Variants in FRMD4A observed in about 807,000 individuals in gnomAD.
FRMD4A encodes FERM domain-containing protein 4A.
FRMD4A carries 29 observed loss-of-function variants against 129.1 expected under a neutral mutation model. The observed-to-expected ratio is 0.22, with a 90% CI of 0.17 to 0.31. FRMD4A has a LOEUF of 0.31. Ranked by LOEUF, FRMD4A falls within the 10% of genes least tolerant of loss-of-function variation. FRMD4A has a pLI of 1.00. For missense variants in FRMD4A, 1,272 were observed against 1,375.8 expected (o/e 0.92, Z 1.19); for synonymous variants, 634 against 571.6 (o/e 1.11, Z -1.56).
intron 9 of FRMD4A, among the ~76,000 whole-genome samples, chr10:13,746,275 A>G (rs923577756): frequency 7.9e-5 from 12 of 152,132 alleles, no homozygotes; most frequent in Non-Finnish European, 1.5e-4. Context: ...CAGTGGCACA[A>G]TCTTTGTTCC....
intron 15 of FRMD4A, chr10:13,675,653 G>A (rs1422726877): frequency 6.6e-6 from 1 of 152,174 alleles, no homozygotes; most frequent in Non-Finnish European, 1.5e-5. Context: ...TGCCTGCCTT[G>A]GCCTCCCAAA....
At chr10:13,853,949 C>T (rs1020819094) in intron 3 of FRMD4A, among the ~76,000 whole-genome samples, 3 of 151,604 alleles carry the variant, frequency 2.0e-5, no homozygotes, top group African/African-American at 7.3e-5. Flanking sequence ...AGTAGAAGGT[C>T]AGGTCGGTTT....
chr10:13,708,147 G>A (rs925995240), intron 12 of FRMD4A, among the ~76,000 whole-genome samples: 7 of 152,202 alleles, frequency 4.6e-5, no homozygotes, highest in Non-Finnish European at 1.0e-4. Context: ...TCTTTCTGCG[G>A]GGAACAGCTT....
chr10:14,073,024 TA>T (rs201773109), intron 2 of FRMD4A, among the ~76,000 whole-genome samples: 6 of 151,092 alleles, frequency 4.0e-5, no homozygotes, highest in Non-Finnish European at 5.9e-5. Context: ...AAAGAAGGGA[TA>T]AAAAAATAAT....
chr10:13,975,093 ATG>A (rs1241418907), intron 2 of FRMD4A, among the ~76,000 whole-genome samples: 1 of 149,170 alleles, frequency 6.7e-6, no homozygotes, highest in Non-Finnish European at 1.5e-5. Context: ...GCCTGTGGGT[ATG>A]TGTGTGTGTG....
At chr10:13,960,151 C>A (rs1488297726) in intron 2 of FRMD4A, among the ~76,000 whole-genome samples, 2 of 152,196 alleles carry the variant, frequency 1.3e-5, no homozygotes, top group Admixed American at 1.3e-4. Flanking sequence ...GAAGTACCTG[C>A]TACCCAAGAC....
chr10:13,663,458 T>C lies in FRMD4A; in HGVS notation c.1655A>G (p.Glu552Gly). ...CAGGAAATGCATAAACCTACCATCC[T>C]CAAGAACAAGGGCATCTGAGAGGGA... ...DSSLSDALVLEDEDSQVTSTI... is the reference protein window; with the variant it reads ...DSSLSDALVLGDEDSQVTSTI... The change falls in exon 19 of 25, where the codon GAG (glutamate) becomes GGG (glycine). Residue 552 changes from glutamate (E) to glycine (G), a missense_variant. By Grantham distance (98) the Glu-to-Gly change is moderately conservative. Coordinates refer to ENST00000357447, the MANE Select transcript of FRMD4A (RefSeq NM_018027.5). The C allele has an allele frequency of 1.3e-6, 2 of 1,518,556 alleles. No homozygotes were observed. Among genetic ancestry groups the C allele is most frequent in the East Asian group, 2.2e-5 (1 of 44,456 alleles). 94.1% of individuals were successfully genotyped at this position (1,518,556 alleles called of 1,614,324 possible).
chr10:14,066,954 C>T (rs1835087876), intron 2 of FRMD4A, among the ~76,000 whole-genome samples: 1 of 152,144 alleles, frequency 6.6e-6, no homozygotes, highest in African/African-American at 2.4e-5. Flanking sequence ...ACCTTCTATC[C>T]TTCAAGAAAC....
At chr10:14,075,735 G>A (rs1588917494) in intron 2 of FRMD4A, among the ~76,000 whole-genome samples, 1 of 105,088 alleles carries the variant, frequency 9.5e-6, no homozygotes, top group East Asian at 2.8e-4. Flanking sequence ...CATATAGTGT[G>A]TGTGTATATT....
At chr10:14,155,343 T>A (rs1042489551) in intron 2 of FRMD4A, among the ~76,000 whole-genome samples, 1 of 152,094 alleles carries the variant, frequency 6.6e-6, no homozygotes, top group Non-Finnish European at 1.5e-5. Flanking sequence ...AAAATAGAAA[T>A]TCTTATGGAG....
At chr10:13,942,313 G>T (rs773195964) in intron 2 of FRMD4A, among the ~76,000 whole-genome samples, 8 of 152,198 alleles carry the variant, frequency 5.3e-5, no homozygotes, top group Non-Finnish European at 8.8e-5. Context: ...GCCCCTCCCT[G>T]TGTACTGCCT....
chr10:13,819,820 C>T lies in FRMD4A; in HGVS notation c.112-8912G>A, dbSNP rs549528398. Reference sequence around the variant, plus strand: ...CACTGCAACCTCCACCTCCCAGGTTCAAGCAATTCTCATGCCTCAGCCACC... The same window carrying T: ...CACTGCAACCTCCACCTCCCAGGTTTAAGCAATTCTCATGCCTCAGCCACC... On this transcript the variant is annotated intron_variant, in intron 3 of 24. Coordinates refer to ENST00000357447, the MANE Select transcript of FRMD4A (RefSeq NM_018027.5). Among the ~76,000 whole-genome samples, 97 of 151,636 alleles carry T rather than the reference C, an allele frequency of 6.4e-4. 1 individual carries two copies. The highest frequency in any genetic ancestry group is 2.6e-3 in the Admixed American group (40 of 15,180).
intron 2 of FRMD4A, among the ~76,000 whole-genome samples, chr10:14,225,807 C>T (rs11258952): frequency 6.6e-6 from 1 of 152,118 alleles, no homozygotes; most frequent in East Asian, 1.9e-4. Flanking sequence ...CCTGCCAGTT[C>T]GATTTCTCCT....
chr10:14,045,703 T>A (rs903231314), intron 2 of FRMD4A, among the ~76,000 whole-genome samples: 9 of 146,438 alleles, frequency 6.1e-5, no homozygotes, highest in Non-Finnish European at 1.3e-4. Flanking sequence ...ATAATTATAT[T>A]ATAATATTTA....
chr10:13,865,256 C>A (rs937453357), intron 2 of FRMD4A, among the ~76,000 whole-genome samples: 1 of 152,134 alleles, frequency 6.6e-6, no homozygotes, highest in Non-Finnish European at 1.5e-5. Context: ...TTTCTTAGTG[C>A]TGTACCTGGT....
chr10:13,685,157 A>T, intron 15 of FRMD4A: 1 of 985,086 alleles, frequency 1.0e-6, no homozygotes, highest in Non-Finnish European at 1.2e-6. Flanking sequence ...AACATGAAAA[A>T]ATGCATGCTT....
At chr10:14,238,161 A>G (rs1443733160) in intron 2 of FRMD4A, among the ~76,000 whole-genome samples, 1 of 152,222 alleles carries the variant, frequency 6.6e-6, no homozygotes, top group East Asian at 1.9e-4. Flanking sequence ...GCCAAGCTAC[A>G]ATGGGCCAGG....
chr10:13,654,150 C>G lies in FRMD4A; in HGVS notation c.3050+266G>C, dbSNP rs555037479. The G allele has an allele frequency of 7.2e-6, 4 of 555,748 alleles. No individual in the cohort carries two copies. In the South Asian group the frequency reaches 7.5e-5, roughly 10 times the overall value. 34.4% of individuals were successfully genotyped at this position (555,748 alleles called of 1,614,324 possible). Reference sequence around the variant, plus strand: ...GGAAATCTTACCAAAGAAGCACAGTCCCACTTCGTGCTTCCATCTCCCCAC... The same window carrying G: ...GGAAATCTTACCAAAGAAGCACAGTGCCACTTCGTGCTTCCATCTCCCCAC... On this transcript the variant is annotated intron_variant, in intron 23 of 24. Transcript: ENST00000357447.
In FRMD4A at chr10:13,657,209, C is replaced by G. The variant is rs1320639152; in HGVS notation, c.2380G>C (p.Gly794Arg). 1.9e-6 allele frequency: 3 copies of G among 1,545,192 alleles called. No individual in the cohort carries two copies. The highest frequency in any genetic ancestry group is 2.6e-6 in the Non-Finnish European group (3 of 1,152,004). Reference protein sequence around the residue: ...RQRQRAAGALGSASSGSMPNL... With the variant: ...RQRQRAAGALRSASSGSMPNL... ...GGCATGCTGCCCGAGCTGGCTGAGC[C>G]CAGTGCGCCCGCCGCCCGCTGCCGC... The change falls in exon 22 of 25, where the codon GGC (glycine) becomes CGC (arginine). Residue 794 changes from glycine (G) to arginine (R), a missense_variant. By Grantham distance (125) the Gly-to-Arg change is moderately radical (BLOSUM62 -2). Transcript: ENST00000357447.
Sources: gnomAD v4.1 joint callset for allele counts (sites outside exome capture counted in the v4.1 genomes callset) on GRCh38, gnomAD v4.1.1 for gene constraint, MANE v1.5 for transcripts, NCBI Gene and HGNC (gene_info 2026-07-23, HGNC 2026-07-21) for gene names.